The following INPP4B variants were observed in gnomAD, a reference collection of about 807,000 sequenced individuals.
INPP4B encodes the protein inositol polyphosphate 4-phosphatase type II.
INPP4B carries 55 observed loss-of-function variants against 122.5 expected under a neutral mutation model. That is an observed-to-expected ratio of 0.45 (90% CI 0.36 to 0.56). INPP4B has a LOEUF of 0.56. Ranked by LOEUF, INPP4B falls within the 20% of genes least tolerant of loss-of-function variation. The pLI is 0.00. For missense variants in INPP4B, 1,000 were observed against 1,097.7 expected (o/e 0.91, Z 1.26); for synonymous variants, 403 against 388.7 (o/e 1.04, Z -0.43).
At chr4:142,820,343 G>A (rs1029924272) in intron 1 of INPP4B, among the ~76,000 whole-genome samples, 13 of 152,048 alleles carry the variant, frequency 8.5e-5, no homozygotes, top group Non-Finnish European at 1.3e-4. Context: ...TTGTTAAAAA[G>A]AGCCTGGCAC....
intron 18 of INPP4B, among the ~76,000 whole-genome samples, 187 bp downstream of exon 18, chr4:142,145,653 G>A (rs1046635235): frequency 4.6e-5 from 7 of 151,740 alleles, no homozygotes; most frequent in African/African-American, 1.5e-4. Flanking sequence ...TAGCAGTTCC[G>A]AAAACACAAC....
In INPP4B at chr4:142,028,524, T is replaced by A. The variant is rs561776901; in HGVS notation, c.*258A>T. 2.4e-6 allele frequency: 1 copy of A among 424,662 alleles called. No individual in the cohort carries two copies. Among genetic ancestry groups the A allele is most frequent in the South Asian group, 4.6e-5 (1 of 21,598 alleles). 26.3% of individuals were successfully genotyped at this position (424,662 alleles called of 1,614,324 possible). A position where few individuals can be genotyped will look rare whatever the true frequency, so the allele number is the denominator to read the frequency against. ...ATGAAATTTACACTTTGTGAACCAA[T>A]CTCAATCAGCTAGGCTCAACACATA... On this transcript the variant is annotated 3_prime_UTR_variant, in exon 26 of 26. Coordinates refer to ENST00000262992, the MANE Select transcript of INPP4B (RefSeq NM_001101669.3).
At chr4:142,584,129 T>G (rs1390347693) in intron 2 of INPP4B, among the ~76,000 whole-genome samples, 1 of 151,156 alleles carries the variant, frequency 6.6e-6, no homozygotes, top group Non-Finnish European at 1.5e-5. Context: ...AGAATATGAG[T>G]TTTTTTTTCT....
chr4:142,658,368 G>C, intron 2 of INPP4B, among the ~76,000 whole-genome samples: 1 of 152,132 alleles, frequency 6.6e-6, no homozygotes. Flanking sequence ...TAAAACAAGG[G>C]CTAACTAAAT....
intron 22 of INPP4B, among the ~76,000 whole-genome samples, chr4:142,108,878 T>C (rs567935545): frequency 1.3e-5 from 2 of 152,156 alleles, no homozygotes; most frequent in Non-Finnish European, 2.9e-5. Context: ...AAGGATGCTA[T>C]GTAAATGGCT....
intron 2 of INPP4B, among the ~76,000 whole-genome samples, chr4:142,497,508 A>C (rs2113996): frequency 0.23 from 35,386 of 152,062 alleles, 4,471 homozygotes; most frequent in East Asian, 0.46. Context: ...CATAAATCCA[A>C]AAGATGTTTC....
At chr4:142,031,518 T>C (rs1350178272) in intron 25 of INPP4B, among the ~76,000 whole-genome samples, 2 of 152,188 alleles carry the variant, frequency 1.3e-5, no homozygotes, top group African/African-American at 2.4e-5. Context: ...TATATCCTCA[T>C]GGTTTGGTAG....
intron 1 of INPP4B, chr4:142,768,102 T>C (rs183502012): frequency 6.6e-6 from 1 of 152,288 alleles, no homozygotes; most frequent in East Asian, 1.9e-4. Context: ...AAAAGCATTG[T>C]TGTAGGGACT....
intron 2 of INPP4B, among the ~76,000 whole-genome samples, chr4:142,516,978 CT>C (rs1375487566): frequency 6.6e-6 from 1 of 151,898 alleles, no homozygotes; most frequent in African/African-American, 2.4e-5. Context: ...CTAACCACAT[CT>C]TTGTAAATAC....
At chr4:142,406,782 G>A (rs1484237556) in intron 5 of INPP4B, among the ~76,000 whole-genome samples, 1 of 152,054 alleles carries the variant, frequency 6.6e-6, no homozygotes, top group Non-Finnish European at 1.5e-5. Context: ...TATTTTTGAG[G>A]CATTTTGCTA....
chr4:142,573,673 C>T (rs572434991), intron 2 of INPP4B, among the ~76,000 whole-genome samples: 4 of 152,188 alleles, frequency 2.6e-5, no homozygotes, highest in South Asian at 2.1e-4. Context: ...GATGCAGTTG[C>T]GTGGTGGGAA....
chr4:142,263,288 TG>T (rs1740970041), intron 10 of INPP4B, among the ~76,000 whole-genome samples: 1 of 152,164 alleles, frequency 6.6e-6, no homozygotes, highest in African/African-American at 2.4e-5. Context: ...TTTGATTATT[TG>T]GTTCCTACTT....
intron 2 of INPP4B, among the ~76,000 whole-genome samples, chr4:142,716,436 A>C (rs541688333): frequency 1.3e-5 from 2 of 152,248 alleles, no homozygotes; most frequent in African/African-American, 2.4e-5. Context: ...GCTCTTTCTT[A>C]TCTCTCAATT....
chr4:142,145,252 C>G (rs922617169), intron 18 of INPP4B, among the ~76,000 whole-genome samples: 1 of 152,090 alleles, frequency 6.6e-6, no homozygotes, highest in African/African-American at 2.4e-5. Flanking sequence ...TATCTCTCCA[C>G]AGAAAAACAC....
chr4:142,125,400 C>T (rs1003140070), intron 18 of INPP4B, among the ~76,000 whole-genome samples: 4 of 151,828 alleles, frequency 2.6e-5, no homozygotes, highest in African/African-American at 9.7e-5. Flanking sequence ...AAATAAAGTT[C>T]AAACTCATGA....
intron 9 of INPP4B, among the ~76,000 whole-genome samples, chr4:142,289,341 A>T (rs1386593791): frequency 1.3e-5 from 2 of 152,290 alleles, no homozygotes; most frequent in East Asian, 1.9e-4. Flanking sequence ...AAACTCGATA[A>T]TGTTTAAAAC....
At chr4:142,197,751 T>A (rs939168897) in intron 14 of INPP4B, among the ~76,000 whole-genome samples, 2 of 152,158 alleles carry the variant, frequency 1.3e-5, no homozygotes, top group African/African-American at 4.8e-5. Context: ...GTACTCTATT[T>A]TCAGGATCTC....
At chr4:142,160,657 G>C in intron 16 of INPP4B, 96 bp from the exon 17 acceptor site, 1 of 787,412 alleles carries the variant, frequency 1.3e-6, no homozygotes, top group Non-Finnish European at 1.9e-6. Flanking sequence ...TACTTAAGTG[G>C]TGTGTATGGT....
chr4:142,510,619 T>C (rs1824592322), intron 2 of INPP4B, among the ~76,000 whole-genome samples: 1 of 152,184 alleles, frequency 6.6e-6, no homozygotes, highest in African/African-American at 2.4e-5. Context: ...AATGTAGAGT[T>C]CTATTGCATT....
Sources: allele counts gnomAD v4.1 joint callset (sites outside exome capture counted in the v4.1 genomes callset), GRCh38; gene constraint gnomAD v4.1.1; transcripts MANE v1.5; gene names NCBI Gene and HGNC (gene_info 2026-07-23, HGNC 2026-07-21).